The following ADAM20 variants were observed in gnomAD, a reference collection of about 807,000 sequenced individuals.
ADAM20 encodes the protein ADAM metallopeptidase domain 20, also known as disintegrin and metalloproteinase domain-containing protein 20.
For missense variants in ADAM20, 871 were observed against 883.2 expected (o/e 0.99, Z 0.18); for synonymous variants, 305 against 310.2 (o/e 0.98, Z 0.18).
At chr14:70,563,350 T>C in the ADAM20 span, among the ~76,000 whole-genome samples, 829 of 152,258 alleles carry the variant, frequency 5.4e-3, 12 homozygotes, top group African/African-American at 0.019. Context: ...AGTAGATGTG[T>C]AGAGATGACA....
chr14:70,574,635 G>A, the ADAM20 span, among the ~76,000 whole-genome samples: 12 of 150,018 alleles, frequency 8.0e-5, no homozygotes, highest in East Asian at 1.9e-4. Context: ...GCGAGACTCC[G>A]TCTCAAAAAA....
chr14:70,538,757 T>C (rs566956272), upstream of ADAM20, among the ~76,000 whole-genome samples: 2 of 152,340 alleles, frequency 1.3e-5, no homozygotes, highest in African/African-American at 4.8e-5. Context: ...CTTCCAGCTA[T>C]ACTTGTTTAT....
At chr14:70,553,717 A>C in the ADAM20 span, among the ~76,000 whole-genome samples, 1 of 151,424 alleles carries the variant, frequency 6.6e-6, no homozygotes, top group African/African-American at 2.4e-5. Context: ...TGATGCTGAA[A>C]AGGCATTTCA....
Position 70,522,494 on chromosome 14 carries a change from A to G in ADAM20, c.*83T>C. ...CATGAAGTTTTATTTAAACAGTGAGACATGGCTTCATATTTTTCTATTAAA... is the reference window on the plus strand; with the variant it reads ...CATGAAGTTTTATTTAAACAGTGAGGCATGGCTTCATATTTTTCTATTAAA... On this transcript the variant is annotated 3_prime_UTR_variant, in exon 2 of 2. Coordinates refer to ENST00000256389, the MANE Select transcript of ADAM20 (RefSeq NM_003814.5). The G allele has an allele frequency of 7.6e-7, 1 of 1,308,598 alleles. No individual in the cohort carries two copies. The highest frequency in any genetic ancestry group is 1.0e-6 in the Non-Finnish European group (1 of 975,422). 81.1% of individuals were successfully genotyped at this position (1,308,598 alleles called of 1,614,324 possible). A position where few individuals can be genotyped will look rare whatever the true frequency, so the allele number is the denominator to read the frequency against.
In ADAM20 at chr14:70,522,893, C is replaced by T. The variant is rs529674678; in HGVS notation, c.1865G>A (p.Arg622His). ...TVCGPEKICIRKKCASMVHLS... is the reference protein window; with the variant it reads ...TVCGPEKICIHKKCASMVHLS... ...ATGAACCATACTGGCACACTTCTTA[C>T]GGATGCAGATCTTTTCTGGACCACA... is the stretch of plus-strand genomic sequence containing the variant. Residue 622 changes from arginine to histidine, a missense_variant, in exon 2 of 2, where the codon CGT (arginine) becomes CAT (histidine). Coordinates refer to ENST00000256389, the MANE Select transcript of ADAM20 (RefSeq NM_003814.5). The T allele has an allele frequency of 2.8e-5, 46 of 1,614,084 alleles. No individual in the cohort carries two copies. Among genetic ancestry groups the T allele is most frequent in the African/African-American group, 1.2e-4 (9 of 75,024 alleles).
chr14:70,558,547 C>T, the ADAM20 span, among the ~76,000 whole-genome samples: 1 of 151,998 alleles, frequency 6.6e-6, no homozygotes, highest in Admixed American at 6.6e-5. Flanking sequence ...CTCCTGCCCT[C>T]AGAGTTGCTC....
At chr14:70,553,332 A>AAC in the ADAM20 span, among the ~76,000 whole-genome samples, 1 of 114,924 alleles carries the variant, frequency 8.7e-6, no homozygotes, top group Non-Finnish European at 1.7e-5. Flanking sequence ...AAAAAAAAAA[A>AAC]CTAGTAGCAG....
Position 70,525,784 on chromosome 14 carries a change from C to CT in ADAM20, c.-176-852dup, listed in dbSNP as rs552660090. ...ATTGAGAAACCTCCTCCAATCAAGA[C>CT]TTTTTAATTTTATAATATATTCTTA... On this transcript the variant is annotated intron_variant, in intron 1 of 1. Transcript: ENST00000256389. Among the ~76,000 whole-genome samples the CT allele has an allele frequency of 3.3e-3, 500 of 152,216 alleles. 1 individual carries two copies. The highest frequency in any genetic ancestry group is 5.3e-3 in the Non-Finnish European group (360 of 68,014).
At chr14:70,538,957 C>G (rs1883891744), upstream of ADAM20, among the ~76,000 whole-genome samples, 1 of 152,200 alleles carries the variant, frequency 6.6e-6, no homozygotes, top group African/African-American at 2.4e-5. Context: ...GTCACCATGC[C>G]TGTAGGGAGA....
chr14:70,524,629 C>T lies in ADAM20; in HGVS notation c.129G>A (p.Val43=). 1 of 1,614,006 alleles carries T rather than the reference C, an allele frequency of 6.2e-7. No homozygotes were observed. Among genetic ancestry groups the T allele is most frequent in the Non-Finnish European group, 8.5e-7 (1 of 1,179,958 alleles). The part of the protein sequence containing the change: ...PSQYFTSPEV[V]IPLKVISRGR... The stretch of plus-strand genomic sequence containing the variant: ...CCCTGCTGATCACCTTCAAAGGGAT[C>T]ACCACTTCTGGAGAAGTGAAATACT... Residue 43 remains valine (V), a synonymous_variant, in exon 2 of 2, where the codon GTG becomes GTA. Transcript: ENST00000256389.
At chr14:70,537,228 A>G (rs1883856641), upstream of ADAM20, among the ~76,000 whole-genome samples, 1 of 151,910 alleles carries the variant, frequency 6.6e-6, no homozygotes, top group African/African-American at 2.4e-5. Context: ...AGGACAACTA[A>G]CCTCAAGGGG....
the ADAM20 span, among the ~76,000 whole-genome samples, chr14:70,570,702 C>T: frequency 6.6e-6 from 1 of 152,006 alleles, no homozygotes; most frequent in Non-Finnish European, 1.5e-5. Context: ...AAAAAGCTGG[C>T]ACCAATCTTA....
At chr14:70,534,575 A>G (rs1220275881) in intron 1 of ADAM20, among the ~76,000 whole-genome samples, 2 of 152,246 alleles carry the variant, frequency 1.3e-5, no homozygotes, top group Non-Finnish European at 2.9e-5. Context: ...TCACAGGACA[A>G]ATACAGAATG....
the ADAM20 span, among the ~76,000 whole-genome samples, chr14:70,541,474 GT>G: frequency 2.0e-5 from 3 of 152,196 alleles, no homozygotes; most frequent in East Asian, 5.8e-4. Context: ...AGCACAATGG[GT>G]TTTTTTAAAA....
chr14:70,575,071 T>C, the ADAM20 span, among the ~76,000 whole-genome samples: 4 of 151,914 alleles, frequency 2.6e-5, no homozygotes, highest in Non-Finnish European at 5.9e-5. Context: ...TTTCAATTGG[T>C]ATAAATTTTC....
In ADAM20 at chr14:70,522,954, T is replaced by C. The variant is rs750881041; in HGVS notation, c.1804A>G (p.Ile602Val). The C allele has an allele frequency of 1.9e-6, 3 of 1,614,082 alleles. No individual in the cohort carries two copies. Among genetic ancestry groups the C allele is most frequent in the South Asian group, 1.1e-5 (1 of 91,086 alleles). Residue 602 changes from isoleucine (I) to valine (V), a missense_variant, in exon 2 of 2, where the codon ATA becomes GTA. Physicochemically the swap from Ile to Val is conservative, Grantham distance 29. Coordinates refer to ENST00000256389, the MANE Select transcript of ADAM20 (RefSeq NM_003814.5). The stretch of plus-strand genomic sequence containing the variant: ...TCTTTCACCTCACCAATATCAGGTA[T>C]AGCCATCCCTAAATGATAATCAGTG... ...WGTDYHLGMA[I>V]PDIGEVKDGT...
chr14:70,570,263 G>A, the ADAM20 span, among the ~76,000 whole-genome samples: 2 of 150,854 alleles, frequency 1.3e-5, no homozygotes, highest in African/African-American at 4.9e-5. Context: ...AAAGGTATCA[G>A]AAAAAAAAGA....
In ADAM20 at chr14:70,523,985, T is replaced by C; in HGVS notation, c.773A>G (p.Asp258Gly). ...AAGTGGATTTGATGCAGTCCATATATCAATTCCAGTCAAAATTACATCAAC... is the reference window on the plus strand; with the variant it reads ...AAGTGGATTTGATGCAGTCCATATACCAATTCCAGTCAAAATTACATCAAC... ...LEVDVILTGIDIWTASNPLPT... is the reference protein window; with the variant it reads ...LEVDVILTGIGIWTASNPLPT... Residue 258 changes from aspartate (D) to glycine (G), a missense_variant, in exon 2 of 2, where the codon GAT becomes GGT. Coordinates refer to ENST00000256389, the MANE Select transcript of ADAM20 (RefSeq NM_003814.5). The C allele has an allele frequency of 6.2e-7, 1 of 1,613,938 alleles. No homozygotes were observed. The highest frequency in any genetic ancestry group is 8.5e-7 in the Non-Finnish European group (1 of 1,179,928).
At chr14:70,544,738 T>C in the ADAM20 span, among the ~76,000 whole-genome samples, 2,347 of 152,242 alleles carry the variant, frequency 0.015, 60 homozygotes, top group African/African-American at 0.048. Context: ...GTAACAGATA[T>C]GCTAATTACA....
Sources: gnomAD v4.1 joint callset for allele counts (sites outside exome capture counted in the v4.1 genomes callset) on GRCh38, gnomAD v4.1.1 for gene constraint, MANE v1.5 for transcripts, NCBI Gene and HGNC (gene_info 2026-07-23, HGNC 2026-07-21) for gene names.